The following HAPLN1 variants were observed in gnomAD, a reference collection of about 807,000 sequenced individuals.
HAPLN1 encodes the protein Cartilage link protein.
Under a neutral mutation model 36.5 loss-of-function variants are expected in HAPLN1, and 13 were observed. The ratio of observed to expected loss-of-function variants is 0.36; its 90% CI spans 0.23 to 0.57. The LOEUF is 0.57. Ranked by LOEUF, HAPLN1 falls within the 20% of genes least tolerant of loss-of-function variation. The pLI, the probability that HAPLN1 is intolerant of heterozygous loss-of-function variation, is 0.83. For synonymous variants in HAPLN1, 202 were observed against 169.8 expected, an observed-to-expected ratio of 1.19 and a Z score of -1.48; for missense variants, 407 against 439.7, an observed-to-expected ratio of 0.93 and a Z score of 0.66.
chr5:83,652,076 C>T (rs970526596), intron 3 of HAPLN1: 1 of 221,704 alleles, frequency 4.5e-6, no homozygotes, highest in Non-Finnish European at 8.7e-6. Context: ...ACAAAACATG[C>T]CATTATTTTG....
In HAPLN1 at chr5:83,717,146, C is replaced by T. The variant is rs115355478; in HGVS notation, c.-27+3643G>A. ...CACTAGAATGAGTATGCAATTCATTCTAAATCACAAGGATGATCCAATGAA... is the reference window on the plus strand; with the variant it reads ...CACTAGAATGAGTATGCAATTCATTTTAAATCACAAGGATGATCCAATGAA... On this transcript the variant is annotated intron_variant, in intron 1 of 4. Coordinates refer to ENST00000274341, the MANE Select transcript of HAPLN1 (RefSeq NM_001884.4). Among the ~76,000 whole-genome samples the T allele has an allele frequency of 9.0e-3, 1,369 of 152,270 alleles. 29 individuals carry two copies. The highest frequency in any genetic ancestry group is 0.031 in the African/African-American group (1,309 of 41,556).
At chr5:83,720,013 G>T (rs192254633) in intron 1 of HAPLN1, among the ~76,000 whole-genome samples, 75 of 152,248 alleles carry the variant, frequency 4.9e-4, no homozygotes, top group African/African-American at 1.7e-3. Flanking sequence ...AAATTAATAA[G>T]CCATCTTATT....
At chr5:83,695,583 G>A in intron 1 of HAPLN1, among the ~76,000 whole-genome samples, 1 of 144,414 alleles carries the variant, frequency 6.9e-6, no homozygotes, top group East Asian at 2.2e-4. Flanking sequence ...AATATATATA[G>A]AGATAAATAT....
intron 2 of HAPLN1, among the ~76,000 whole-genome samples, chr5:83,659,264 A>G (rs1750313323): frequency 6.9e-6 from 1 of 144,444 alleles, no homozygotes; most frequent in Non-Finnish European, 1.5e-5. Flanking sequence ...ACAGAGCGAG[A>G]CTTCATCTTA....
At chr5:83,697,380 T>TA (rs1362748603) in intron 1 of HAPLN1, among the ~76,000 whole-genome samples, 6 of 152,192 alleles carry the variant, frequency 3.9e-5, no homozygotes, top group African/African-American at 1.4e-4. Flanking sequence ...TCATTCTTTT[T>TA]ATGTGTGAAT....
At chr5:83,688,700 G>C (rs1009455259) in intron 1 of HAPLN1, among the ~76,000 whole-genome samples, 1 of 113,728 alleles carries the variant, frequency 8.8e-6, no homozygotes, top group Admixed American at 1.2e-4. Context: ...TTTGAGGAAA[G>C]CTTATTTAAA....
In HAPLN1 at chr5:83,639,810, T is replaced by C. The variant is rs1433285007; in HGVS notation, c.*1686A>G. ...TTTAATATTAAAGCATCTGAAAATT[T>C]TCAGATATGTTTTTGATGAAAGAAA... On this transcript the variant is annotated 3_prime_UTR_variant, in exon 5 of 5. Transcript: ENST00000274341. 1 of 152,094 alleles carries C rather than the reference T, an allele frequency of 6.6e-6. No individual in the cohort carries two copies. Among genetic ancestry groups the C allele is most frequent in the Non-Finnish European group, 1.5e-5 (1 of 67,940 alleles). The allele number at this position is 152,094 out of a possible 1,614,324, so 9.4% of individuals were successfully genotyped here.
chr5:83,644,741 G>A, intron 3 of HAPLN1, 76 bp from the exon 4 acceptor site: 1 of 1,124,954 alleles, frequency 8.9e-7, no homozygotes. Context: ...CCTAGTTGGT[G>A]AAAAACCTAA....
At chr5:83,653,960 G>C (rs183082611) in intron 2 of HAPLN1, among the ~76,000 whole-genome samples, 86 of 152,350 alleles carry the variant, frequency 5.6e-4, no homozygotes, top group Admixed American at 1.2e-3. Context: ...AGCTACCAAA[G>C]CTGCCCTTCA....
intron 1 of HAPLN1, among the ~76,000 whole-genome samples, chr5:83,675,085 C>T (rs540743446): frequency 3.9e-5 from 6 of 152,084 alleles, no homozygotes; most frequent in Admixed American, 3.9e-4. Context: ...CCTCTAAGAA[C>T]TTTTTTGAAA....
chr5:83,672,067 A>G (rs1166769715), intron 2 of HAPLN1, among the ~76,000 whole-genome samples: 3 of 152,134 alleles, frequency 2.0e-5, no homozygotes, highest in Non-Finnish European at 2.9e-5. Context: ...CTATTCTCAT[A>G]CTCTGAGTGC....
chr5:83,670,081 C>G (rs891968918), intron 2 of HAPLN1, among the ~76,000 whole-genome samples: 1 of 152,152 alleles, frequency 6.6e-6, no homozygotes, highest in Admixed American at 6.5e-5. Flanking sequence ...CATAAAATTT[C>G]TCTGTTATCT....
chr5:83,678,973 G>T (rs1750930553), intron 1 of HAPLN1, among the ~76,000 whole-genome samples: 1 of 152,106 alleles, frequency 6.6e-6, no homozygotes, highest in African/African-American at 2.4e-5. Flanking sequence ...GATTTGGCAG[G>T]GTGTGGAGAA....
intron 1 of HAPLN1, among the ~76,000 whole-genome samples, chr5:83,706,199 A>G (rs913115349): frequency 6.6e-6 from 1 of 152,108 alleles, no homozygotes; most frequent in Non-Finnish European, 1.5e-5. Context: ...CAAAAAATCA[A>G]GAAGGAGGGA....
intron 1 of HAPLN1, among the ~76,000 whole-genome samples, 166 bp downstream of exon 1, chr5:83,720,622 CT>C (rs1483682253): frequency 6.6e-6 from 1 of 152,128 alleles, no homozygotes. Flanking sequence ...CAATATGAAA[CT>C]TTTTTAAAAG....
In HAPLN1 at chr5:83,637,888, C is replaced by G. The variant is rs549473648; in HGVS notation, c.*3608G>C. On this transcript the variant is annotated 3_prime_UTR_variant, in exon 5 of 5. Coordinates refer to ENST00000274341, the MANE Select transcript of HAPLN1 (RefSeq NM_001884.4). Reference sequence around the variant, plus strand: ...AAATGTGTTAATCTAATCAACAACACAATAGATTTCTGGGATTGCTGAACT... The same window carrying G: ...AAATGTGTTAATCTAATCAACAACAGAATAGATTTCTGGGATTGCTGAACT... 1 of 151,928 alleles carries G rather than the reference C, an allele frequency of 6.6e-6. No individual in the cohort carries two copies. Among genetic ancestry groups the G allele is most frequent in the African/African-American group, 2.4e-5 (1 of 41,518 alleles). The allele number at this position is 151,928 out of a possible 1,614,324, so 9.4% of individuals were successfully genotyped here. A position where few individuals can be genotyped will look rare whatever the true frequency, so the allele number is the denominator to read the frequency against.
At chr5:83,683,365 G>C (rs551787502) in intron 1 of HAPLN1, among the ~76,000 whole-genome samples, 5 of 152,200 alleles carry the variant, frequency 3.3e-5, no homozygotes, top group African/African-American at 1.2e-4. Context: ...GCAGTGTAGA[G>C]GTGGCAGAGT....
intron 3 of HAPLN1, among the ~76,000 whole-genome samples, chr5:83,650,338 T>A (rs1052922987): frequency 1.3e-5 from 2 of 152,194 alleles, no homozygotes; most frequent in Non-Finnish European, 2.9e-5. Flanking sequence ...AACATATGAT[T>A]ATAGAAATTT....
intron 1 of HAPLN1, among the ~76,000 whole-genome samples, chr5:83,696,009 TC>T (rs774119911): frequency 5.3e-4 from 80 of 152,064 alleles, no homozygotes; most frequent in Non-Finnish European, 8.1e-4. Flanking sequence ...AACATGACAG[TC>T]TACACAGAAA....
Sources: allele counts gnomAD v4.1 joint callset (sites outside exome capture counted in the v4.1 genomes callset), GRCh38; gene constraint gnomAD v4.1.1; transcripts MANE v1.5; gene names NCBI Gene and HGNC (gene_info 2026-07-23, HGNC 2026-07-21).